KCTD16: variants seen among roughly 807,000 people sequenced by gnomAD.
KCTD16 encodes BTB/POZ domain-containing protein KCTD16.
Under a neutral mutation model 33.2 loss-of-function variants are expected in KCTD16, and 13 were observed. The observed-to-expected ratio is 0.39, with a 90% confidence interval of 0.25 to 0.62. The LOEUF (loss-of-function observed/expected upper bound fraction) is 0.62, where lower values mean the gene tolerates loss of function less well. KCTD16 is among the 20% of genes least tolerant of loss of function. KCTD16 has a pLI of 0.50. For synonymous variants in KCTD16, 197 were observed against 195.3 expected (o/e 1.01, Z -0.07); for missense variants, 441 against 525.1 (o/e 0.84, Z 1.57).
chr5:144,280,460 A>T (rs1252276666), intron 3 of KCTD16, among the ~76,000 whole-genome samples: 1 of 152,178 alleles, frequency 6.6e-6, no homozygotes, highest in African/African-American at 2.4e-5. Context: ...ATGACCATAA[A>T]GTTATTCTTA....
intron 3 of KCTD16, among the ~76,000 whole-genome samples, chr5:144,421,928 G>C (rs574827888): frequency 1.3e-5 from 2 of 152,138 alleles, no homozygotes; most frequent in South Asian, 2.1e-4. Context: ...GTACTAAAAG[G>C]CATGGGATGT....
At chr5:144,319,424 A>G (rs1164273270) in intron 3 of KCTD16, among the ~76,000 whole-genome samples, 1 of 152,156 alleles carries the variant, frequency 6.6e-6, no homozygotes, top group Admixed American at 6.5e-5. Flanking sequence ...TTCCATTTCC[A>G]CCTAGCTTCC....
intron 3 of KCTD16, among the ~76,000 whole-genome samples, chr5:144,282,010 A>G (rs1755621314): frequency 6.6e-6 from 1 of 152,172 alleles, no homozygotes; most frequent in Non-Finnish European, 1.5e-5. Flanking sequence ...TTTCTGGCAT[A>G]TAGCTCCTAA....
At chr5:144,395,930 AT>A (rs1200171873) in intron 3 of KCTD16, among the ~76,000 whole-genome samples, 1 of 152,198 alleles carries the variant, frequency 6.6e-6, no homozygotes, top group African/African-American at 2.4e-5. Flanking sequence ...AAGTAGTTTC[AT>A]TGGAACACAG....
chr5:144,278,539 G>A (rs528834402), intron 3 of KCTD16, among the ~76,000 whole-genome samples: 34 of 134,644 alleles, frequency 2.5e-4, no homozygotes, highest in Non-Finnish European at 4.8e-4. Context: ...CGCCCAGGCC[G>A]GACTGCGGAC....
chr5:144,427,384 G>A (rs1008769017), intron 3 of KCTD16, among the ~76,000 whole-genome samples: 6 of 151,954 alleles, frequency 3.9e-5, no homozygotes, highest in South Asian at 4.2e-4. Flanking sequence ...CAGTGACCTC[G>A]CTTTTTGGAG....
At chr5:144,218,858 A>G (rs1753645090) in intron 3 of KCTD16, among the ~76,000 whole-genome samples, 1 of 152,228 alleles carries the variant, frequency 6.6e-6, no homozygotes, top group Admixed American at 6.5e-5. Flanking sequence ...TAATAATACC[A>G]CATTTTAAAG....
At position 144,371,090 on chromosome 5, in the gene KCTD16, G is replaced by A. The variant is rs150270091; in HGVS notation, c.833-102570G>A. ...GGCTACTCCCACACCTCTCCCTTTC[G>A]TTTGGTGACATGAACTTCTAAGTTC... On this transcript the variant is annotated intron_variant, in intron 3 of 3. Coordinates refer to ENST00000512467, the MANE Select transcript of KCTD16 (RefSeq NM_020768.4). 1.2e-4 allele frequency among the ~76,000 whole-genome samples: 18 copies of A among 152,108 alleles called. No homozygotes were observed. The East Asian group carries it at 3.3e-3, about 28-fold the overall frequency.
At chr5:144,344,932 A>G (rs2126902270) in intron 3 of KCTD16, among the ~76,000 whole-genome samples, 1 of 151,814 alleles carries the variant, frequency 6.6e-6, no homozygotes, top group East Asian at 1.9e-4. Flanking sequence ...ACTATTCACA[A>G]TAGCAAAGAC....
chr5:144,398,697 C>T (rs1178297019), intron 3 of KCTD16, among the ~76,000 whole-genome samples: 1 of 151,308 alleles, frequency 6.6e-6, no homozygotes, highest in African/African-American at 2.4e-5. Context: ...GAATATATTA[C>T]ACACACACAC....
chr5:144,450,906 A>G (rs1753926383), intron 3 of KCTD16, among the ~76,000 whole-genome samples: 1 of 152,106 alleles, frequency 6.6e-6, no homozygotes, highest in African/African-American at 2.4e-5. Flanking sequence ...CCAATATGGT[A>G]TTGTACACTT....
intron 2 of KCTD16, among the ~76,000 whole-genome samples, chr5:144,201,475 A>G (rs1164107688): frequency 6.6e-6 from 1 of 152,162 alleles, no homozygotes; most frequent in Non-Finnish European, 1.5e-5. Flanking sequence ...TTATGCCTCA[A>G]TTGGAGTTTA....
chr5:144,334,823 T>C (rs926474341), intron 3 of KCTD16, among the ~76,000 whole-genome samples: 2 of 152,016 alleles, frequency 1.3e-5, no homozygotes, highest in Admixed American at 1.3e-4. Context: ...GTCACCCGGG[T>C]TGGAGTGTGA....
chr5:144,376,515 C>G (rs1468750431), intron 3 of KCTD16, among the ~76,000 whole-genome samples: 7 of 151,990 alleles, frequency 4.6e-5, no homozygotes, highest in Non-Finnish European at 1.0e-4. Flanking sequence ...GGAGGCTACT[C>G]TGTGTCATAA....
At chr5:144,248,137 G>C (rs1186272883) in intron 3 of KCTD16, among the ~76,000 whole-genome samples, 1 of 152,204 alleles carries the variant, frequency 6.6e-6, no homozygotes, top group Non-Finnish European at 1.5e-5. Flanking sequence ...AAAATATACA[G>C]TACGGGAGAA....
chr5:144,302,971 G>C (rs938655660), intron 3 of KCTD16, among the ~76,000 whole-genome samples: 10 of 152,152 alleles, frequency 6.6e-5, no homozygotes, highest in African/African-American at 2.4e-4. Flanking sequence ...TGTGGAATAT[G>C]GAAATCATTT....
chr5:144,195,351 C>T (rs1752921232), intron 2 of KCTD16, among the ~76,000 whole-genome samples: 1 of 152,232 alleles, frequency 6.6e-6, no homozygotes, highest in Admixed American at 6.5e-5. Flanking sequence ...CAACAAATGT[C>T]TGCTGATCTG....
chr5:144,220,940 C>T lies in KCTD16; in HGVS notation c.832+13394C>T, dbSNP rs1370457468. The stretch of plus-strand genomic sequence containing the variant: ...TGGGCGACAGAGCGAGACTACGTCT[C>T]AAAAAAAAAAAAGAAGAAGAAATGA... On this transcript the variant is annotated intron_variant, in intron 3 of 3. Transcript: ENST00000512467. Among the ~76,000 whole-genome samples, 3 of 99,606 alleles carry T rather than the reference C, an allele frequency of 3.0e-5. No individual in the cohort carries two copies. In the Admixed American group the frequency reaches 3.2e-4, roughly 11 times the overall value. The allele number at this position is 99,606 out of a possible 152,430, so 65.3% of individuals were successfully genotyped here. A position where few individuals can be genotyped will look rare whatever the true frequency, so the allele number is the denominator to read the frequency against.
At chr5:144,299,519 G>A (rs1302474954) in intron 3 of KCTD16, among the ~76,000 whole-genome samples, 1 of 151,648 alleles carries the variant, frequency 6.6e-6, no homozygotes, top group African/African-American at 2.4e-5. Flanking sequence ...CTCCAATATT[G>A]GAATGAAAAA....
Sources: allele counts gnomAD v4.1 joint callset (sites outside exome capture counted in the v4.1 genomes callset), GRCh38; gene constraint gnomAD v4.1.1; transcripts MANE v1.5; gene names NCBI Gene and HGNC (gene_info 2026-07-23, HGNC 2026-07-21).